SLC8A3: variants seen among roughly 807,000 people sequenced by gnomAD.
SLC8A3 encodes the protein sodium/calcium exchanger 3.
A neutral mutation model predicts 65.4 loss-of-function variants in SLC8A3; 37 were observed. The ratio of observed to expected loss-of-function variants is 0.57; its 90% CI spans 0.44 to 0.74. The LOEUF (loss-of-function observed/expected upper bound fraction) is 0.74. Among genes scored for constraint, SLC8A3 ranks in the 30% least tolerant of loss-of-function variants. SLC8A3 has a pLI of 0.00. For missense variants in SLC8A3, 1,112 were observed against 1,172.1 expected, an observed-to-expected ratio of 0.95 and a Z score of 0.75; for synonymous variants, 461 against 444.5, an observed-to-expected ratio of 1.04 and a Z score of -0.47.
chr14:70,141,197 G>A (rs1297626586), intron 2 of SLC8A3, among the ~76,000 whole-genome samples: 1 of 152,178 alleles, frequency 6.6e-6, no homozygotes, highest in Non-Finnish European at 1.5e-5. Context: ...TTGTTGGTGG[G>A]TTAGTTGGTT....
chr14:70,184,339 C>T (rs991384445), intron 1 of SLC8A3, among the ~76,000 whole-genome samples: 1 of 152,228 alleles, frequency 6.6e-6, no homozygotes, highest in African/African-American at 2.4e-5. Flanking sequence ...GCTGGAAACT[C>T]AGTGGAAATT....
chr14:70,048,218 T>C (rs1887019767), intron 6 of SLC8A3: 1 of 184,366 alleles, frequency 5.4e-6, no homozygotes, highest in East Asian at 1.4e-4. Flanking sequence ...TAGGAGATAC[T>C]TTGTACTCAC....
intron 2 of SLC8A3, among the ~76,000 whole-genome samples, chr14:70,062,314 G>A (rs1338927514): frequency 6.6e-6 from 1 of 152,104 alleles, no homozygotes; most frequent in Non-Finnish European, 1.5e-5. Flanking sequence ...TGTGGTGTGT[G>A]TACTTTACAA....
intron 2 of SLC8A3, among the ~76,000 whole-genome samples, chr14:70,091,317 A>C (rs1209366246): frequency 1.3e-5 from 2 of 152,196 alleles, no homozygotes; most frequent in African/African-American, 4.8e-5. Flanking sequence ...TTTGTCTTAC[A>C]ATCATTTCAG....
chr14:70,060,928 C>G lies in SLC8A3; in HGVS notation c.1796G>C (p.Arg599Thr), dbSNP rs1488324488. 2.0e-6 allele frequency: 3 copies of G among 1,492,108 alleles called. No homozygotes were observed. Among genetic ancestry groups the G allele is most frequent in the South Asian group, 1.4e-5 (1 of 72,628 alleles). The allele number at this position is 1,492,108 out of a possible 1,614,324, so 92.4% of individuals were successfully genotyped here. A position where few individuals can be genotyped will look rare whatever the true frequency, so the allele number is the denominator to read the frequency against. Residue 599 changes from arginine to threonine, a missense_variant, in exon 3 of 7, where the codon AGG becomes ACG. By Grantham distance (71) the Arg-to-Thr change is moderately conservative (BLOSUM62 -1). Transcript: ENST00000356921. ...FKNDETVKTI[R>T]VKIVDEEEYE... ...TTCCTCCTCATCTACTATTTTAACC[C>G]TTATGGTTTTCCTGTAGGGACAACA...
At chr14:70,113,320 T>C (rs1010302502) in intron 2 of SLC8A3, among the ~76,000 whole-genome samples, 3 of 152,172 alleles carry the variant, frequency 2.0e-5, no homozygotes, top group African/African-American at 4.8e-5. Context: ...CTGTAGGCAA[T>C]TGGAACACAA....
At chr14:70,147,174 T>C (rs1388782005) in intron 2 of SLC8A3, among the ~76,000 whole-genome samples, 1 of 152,184 alleles carries the variant, frequency 6.6e-6, no homozygotes, top group Non-Finnish European at 1.5e-5. Flanking sequence ...TGACAGAGAC[T>C]GCAGGATAGG....
At chr14:70,173,134 G>C (rs1376751035) in intron 1 of SLC8A3, among the ~76,000 whole-genome samples, 1 of 152,200 alleles carries the variant, frequency 6.6e-6, no homozygotes, top group African/African-American at 2.4e-5. Context: ...AAAAGCCAGT[G>C]ATAGGGTTGT....
intron 2 of SLC8A3, among the ~76,000 whole-genome samples, chr14:70,158,729 GTT>G (rs1337866682): frequency 6.6e-6 from 1 of 152,116 alleles, no homozygotes; most frequent in Non-Finnish European, 1.5e-5. Flanking sequence ...CACATATCCA[GTT>G]TTCAGAAAAA....
intron 2 of SLC8A3, among the ~76,000 whole-genome samples, chr14:70,113,931 G>A (rs1389520671): frequency 6.6e-6 from 1 of 151,978 alleles, no homozygotes; most frequent in Non-Finnish European, 1.5e-5. Flanking sequence ...ATGTTCCCAG[G>A]TGTTCACGGA....
intron 1 of SLC8A3, among the ~76,000 whole-genome samples, chr14:70,181,091 T>A (rs555674308): frequency 1.3e-5 from 2 of 152,250 alleles, no homozygotes; most frequent in South Asian, 4.1e-4. Context: ...GGGAGGAGCA[T>A]AAAAGTCAAC....
chr14:70,181,844 A>C (rs1377920262), intron 1 of SLC8A3, among the ~76,000 whole-genome samples: 1 of 152,198 alleles, frequency 6.6e-6, no homozygotes, highest in East Asian at 1.9e-4. Context: ...AAATGAATTG[A>C]AAGAGGAAAA....
At chr14:70,053,603 A>G (rs538541897) in intron 3 of SLC8A3, among the ~76,000 whole-genome samples, 1 of 152,232 alleles carries the variant, frequency 6.6e-6, no homozygotes, top group South Asian at 2.1e-4. Flanking sequence ...TGAGCTCTCC[A>G]GTGACATATA....
At chr14:70,093,848 C>T (rs1891969643) in intron 2 of SLC8A3, among the ~76,000 whole-genome samples, 1 of 152,214 alleles carries the variant, frequency 6.6e-6, no homozygotes, top group South Asian at 2.1e-4. Flanking sequence ...CTACCTGCCC[C>T]ATTTGGGTGG....
At chr14:70,062,372 A>T (rs1320356903) in intron 2 of SLC8A3, among the ~76,000 whole-genome samples, 1 of 152,224 alleles carries the variant, frequency 6.6e-6, no homozygotes, top group Admixed American at 6.5e-5. Context: ...GACAGACCAC[A>T]TCTACAATAG....
chr14:70,103,824 G>A (rs1351513056), intron 2 of SLC8A3, among the ~76,000 whole-genome samples: 2 of 152,006 alleles, frequency 1.3e-5, no homozygotes, highest in Non-Finnish European at 2.9e-5. Flanking sequence ...ATATGGAAAG[G>A]CAGAAATTGT....
chr14:70,133,273 C>T (rs1185091423), intron 2 of SLC8A3, among the ~76,000 whole-genome samples: 1 of 152,110 alleles, frequency 6.6e-6, no homozygotes, highest in Non-Finnish European at 1.5e-5. Flanking sequence ...ATGCTGAACT[C>T]TCTCTTGTGC....
At chr14:70,104,467 G>A (rs931611966) in intron 2 of SLC8A3, among the ~76,000 whole-genome samples, 1 of 152,060 alleles carries the variant, frequency 6.6e-6, no homozygotes, top group African/African-American at 2.4e-5. Flanking sequence ...ACACATTTAT[G>A]ATTGTTGTAT....
At chr14:70,187,599 CTGTGTGTGTGTGTGTG>C (rs3053393) in intron 1 of SLC8A3, among the ~76,000 whole-genome samples, 51 of 118,290 alleles carry the variant, frequency 4.3e-4, no homozygotes, top group Non-Finnish European at 6.6e-4. Context: ...AGGGCTTTGA[CTGTGTGTGTGTGTGTG>C]TGTGTGTGTG....
Sources: gnomAD v4.1 joint callset for allele counts (sites outside exome capture counted in the v4.1 genomes callset) on GRCh38, gnomAD v4.1.1 for gene constraint, MANE v1.5 for transcripts, NCBI Gene and HGNC (gene_info 2026-07-23, HGNC 2026-07-21) for gene names.